TRIO: variants seen among roughly 807,000 people sequenced by gnomAD.
TRIO encodes the protein trio Rho guanine nucleotide exchange factor.
TRIO carries 58 observed loss-of-function variants against 351.9 expected under a neutral mutation model. The observed-to-expected ratio is 0.16, with a 90% CI of 0.13 to 0.21. The LOEUF is 0.21. TRIO is among the 10% of genes least tolerant of loss of function. The pLI is 1.00. For synonymous variants in TRIO, 1,758 were observed against 1,595.7 expected, an observed-to-expected ratio of 1.10 and a Z score of -2.42; for missense variants, 3,201 against 4,027.8, an observed-to-expected ratio of 0.79 and a Z score of 5.56.
intron 34 of TRIO, among the ~76,000 whole-genome samples, chr5:14,434,745 G>A (rs1158284395): frequency 6.6e-6 from 1 of 152,148 alleles, no homozygotes; most frequent in East Asian, 1.9e-4. Context: ...TTAGGTTGAT[G>A]CAAAAGTAAT....
intron 53 of TRIO, among the ~76,000 whole-genome samples, chr5:14,500,585 G>A (rs1003938513): frequency 7.9e-5 from 12 of 152,128 alleles, no homozygotes; most frequent in African/African-American, 2.2e-4. Flanking sequence ...AGCCAGGGCC[G>A]AGGCTTCTGT....
chr5:14,168,369 C>T (rs371503597), intron 1 of TRIO, among the ~76,000 whole-genome samples: 3 of 152,344 alleles, frequency 2.0e-5, no homozygotes, highest in African/African-American at 7.2e-5. Flanking sequence ...GGAGGTCCCA[C>T]GTAGGTGAAC....
chr5:14,314,453 C>T (rs1041984828), intron 8 of TRIO, among the ~76,000 whole-genome samples: 1 of 151,934 alleles, frequency 6.6e-6, no homozygotes, highest in African/African-American at 2.4e-5. Flanking sequence ...CTTGGTGATG[C>T]GAGTATTGAG....
At chr5:14,435,627 A>G (rs1467059279) in intron 34 of TRIO, among the ~76,000 whole-genome samples, 2 of 152,190 alleles carry the variant, frequency 1.3e-5, no homozygotes, top group Non-Finnish European at 2.9e-5. Context: ...TTCTGAATTT[A>G]TCAGTTGGAA....
chr5:14,500,689 T>C (rs1757223293), intron 53 of TRIO, among the ~76,000 whole-genome samples: 1 of 151,524 alleles, frequency 6.6e-6, no homozygotes, highest in East Asian at 1.9e-4. Context: ...AGCCCAGGAG[T>C]TAGAGACCAG....
chr5:14,457,588 A>G (rs1561513649), intron 34 of TRIO, among the ~76,000 whole-genome samples: 1 of 151,926 alleles, frequency 6.6e-6, no homozygotes. Flanking sequence ...TTTTACAACA[A>G]CTAGCTCCTT....
At chr5:14,164,601 A>G (rs1788656821) in intron 1 of TRIO, among the ~76,000 whole-genome samples, 1 of 151,872 alleles carries the variant, frequency 6.6e-6, no homozygotes, top group South Asian at 2.1e-4. Flanking sequence ...CTTCAGGCAG[A>G]TTTAAACAAT....
At chr5:14,378,543 A>G (rs534850073) in intron 20 of TRIO, among the ~76,000 whole-genome samples, 2 of 151,828 alleles carry the variant, frequency 1.3e-5, no homozygotes, top group Non-Finnish European at 2.9e-5. Context: ...AATGTGACAG[A>G]ATATCTTTCT....
At chr5:14,172,531 T>C (rs539668711) in intron 1 of TRIO, among the ~76,000 whole-genome samples, 1 of 152,266 alleles carries the variant, frequency 6.6e-6, no homozygotes, top group South Asian at 2.1e-4. Context: ...GTGGGACAGG[T>C]TAACAACAGT....
chr5:14,464,816 C>T (rs1171478427), intron 36 of TRIO, among the ~76,000 whole-genome samples: 1 of 152,116 alleles, frequency 6.6e-6, no homozygotes, highest in Non-Finnish European at 1.5e-5. Context: ...ATTAACGGCT[C>T]AAGTAATCTG....
intron 43 of TRIO, 150 bp from the exon 44 acceptor site, chr5:14,481,084 A>G: frequency 1.3e-6 from 1 of 760,426 alleles, no homozygotes; most frequent in Non-Finnish European, 2.1e-6. Flanking sequence ...CCAGCTACTC[A>G]GGAGGCCAAA....
At chr5:14,507,813 C>G in intron 56 of TRIO, 67 bp from the exon 57 acceptor site, 1 of 1,545,854 alleles carries the variant, frequency 6.5e-7, no homozygotes, top group Non-Finnish European at 8.7e-7. Context: ...CATAGAGTCC[C>G]GCCCATCATC....
intron 9 of TRIO, among the ~76,000 whole-genome samples, chr5:14,328,013 G>A (rs2152313649): frequency 6.6e-6 from 1 of 152,256 alleles, no homozygotes; most frequent in Middle Eastern, 3.4e-3. Context: ...TTAATCCCAA[G>A]AAAGAAAAAT....
chr5:14,364,519 C>A (rs772637730), intron 14 of TRIO, 131 bp from the exon 15 acceptor site: 1 of 1,103,496 alleles, frequency 9.1e-7, no homozygotes. Context: ...CTTGAACTTG[C>A]CCTTCAGCAT....
chr5:14,258,573 C>T (rs1329633866), intron 1 of TRIO, among the ~76,000 whole-genome samples: 3 of 152,174 alleles, frequency 2.0e-5, no homozygotes, highest in Non-Finnish European at 4.4e-5. Context: ...TTCAGCTTTG[C>T]AGAGTCTTTT....
rs559698119 is a variant in TRIO at position 14,400,849 on chromosome 5, C to T, written c.4615-114C>T. The T allele has an allele frequency of 3.7e-5, 31 of 841,828 alleles. No individual in the cohort carries two copies. The East Asian group carries it at 5.3e-4, about 15-fold the overall frequency. 52.1% of individuals were successfully genotyped at this position (841,828 alleles called of 1,614,324 possible). A position where few individuals can be genotyped will look rare whatever the true frequency, so the allele number is the denominator to read the frequency against. ...ACATGACAGCTGAGATCACTAGTGACGTTCTTATAACCTAACATGGCCACA... is the reference window on the plus strand; with the variant it reads ...ACATGACAGCTGAGATCACTAGTGATGTTCTTATAACCTAACATGGCCACA... On this transcript the variant is annotated intron_variant, in intron 30 of 56. Transcript: ENST00000344204.
chr5:14,424,696 C>T (rs897882307), intron 34 of TRIO, among the ~76,000 whole-genome samples: 4 of 152,142 alleles, frequency 2.6e-5, no homozygotes, highest in Non-Finnish European at 5.9e-5. Context: ...TAAGAGAAGA[C>T]GCAGGGACTG....
At chr5:14,285,936 A>G (rs1736409135) in intron 3 of TRIO, among the ~76,000 whole-genome samples, 2 of 152,326 alleles carry the variant, frequency 1.3e-5, no homozygotes, top group South Asian at 2.1e-4. Flanking sequence ...GGAAGCTTCT[A>G]TCACTGAAGT....
intron 53 of TRIO, 92 bp from the exon 54 acceptor site, chr5:14,502,487 C>A: frequency 1.5e-6 from 2 of 1,324,104 alleles, no homozygotes; most frequent in Non-Finnish European, 2.2e-6. Flanking sequence ...TGGCCACGCG[C>A]AGCTGCTGTG....
Sources: allele counts gnomAD v4.1 joint callset (sites outside exome capture counted in the v4.1 genomes callset), GRCh38; gene constraint gnomAD v4.1.1; transcripts MANE v1.5; gene names NCBI Gene and HGNC (gene_info 2026-07-23, HGNC 2026-07-21).